The following STK32B variants were observed in gnomAD, a reference collection of about 807,000 sequenced individuals.
STK32B encodes serine/threonine-protein kinase 32B.
STK32B carries 43 observed loss-of-function variants against 52.6 expected under a neutral mutation model. That is an observed-to-expected ratio of 0.82 (90% CI 0.64 to 1.05). The LOEUF is 1.05. STK32B is among the 50% of genes least tolerant of loss of function. The pLI, the probability that STK32B is intolerant of heterozygous loss-of-function variation, is 0.00. For synonymous variants in STK32B, 238 were observed against 204.3 expected (o/e 1.17, Z -1.41); for missense variants, 621 against 534.6 (o/e 1.16, Z -1.59).
At chr4:5,406,427 G>T (rs892278946) in intron 5 of STK32B, among the ~76,000 whole-genome samples, 15 of 152,136 alleles carry the variant, frequency 9.9e-5, no homozygotes, top group Middle Eastern at 3.2e-3. Flanking sequence ...CAGTGCCCCA[G>T]TGGGGACTTT....
chr4:5,161,559 G>A (rs945305649), intron 2 of STK32B, among the ~76,000 whole-genome samples: 5 of 152,108 alleles, frequency 3.3e-5, no homozygotes, highest in Non-Finnish European at 7.3e-5. Context: ...ATTCTCTTTT[G>A]TACAGAACGC....
intron 8 of STK32B, among the ~76,000 whole-genome samples, chr4:5,459,277 G>C (rs1716830344): frequency 1.8e-5 from 2 of 108,264 alleles, no homozygotes; most frequent in South Asian, 5.6e-4. Context: ...TGTGGACCCT[G>C]GTGTGCCCCC....
intron 5 of STK32B, among the ~76,000 whole-genome samples, chr4:5,409,248 G>C (rs1191632151): frequency 1.3e-5 from 2 of 152,080 alleles, no homozygotes; most frequent in Non-Finnish European, 2.9e-5. Flanking sequence ...TCTGGCTCTT[G>C]TGATACAGGA....
At chr4:5,312,508 A>T (rs28692667) in intron 3 of STK32B, among the ~76,000 whole-genome samples, 1 of 150,596 alleles carries the variant, frequency 6.6e-6, no homozygotes, top group Non-Finnish European at 1.5e-5. Flanking sequence ...TCATTGTTCA[A>T]TTCCCACCTG....
At chr4:5,428,759 C>T (rs1206304538) in intron 6 of STK32B, among the ~76,000 whole-genome samples, 1 of 152,186 alleles carries the variant, frequency 6.6e-6, no homozygotes, top group African/African-American at 2.4e-5. Context: ...GAATTCCCAG[C>T]TATGATTGTA....
rs766590976 is a variant in STK32B, at chr4:5,267,878, GC to G, written c.261-63339del. 6.6e-5 allele frequency among the ~76,000 whole-genome samples: 10 copies of G among 152,318 alleles called. No homozygotes were observed. In the East Asian group the frequency reaches 7.7e-4, roughly 12 times the overall value. On this transcript the variant is annotated intron_variant, in intron 3 of 11. Coordinates refer to ENST00000282908, the MANE Select transcript of STK32B (RefSeq NM_018401.3). ...CTCAGCTCCACCATCTCTGGAGGCT[GC>G]CCAGAAGTTGACAGCTCTGCTGCCT... is the stretch of plus-strand genomic sequence containing the variant.
intron 4 of STK32B, among the ~76,000 whole-genome samples, chr4:5,393,666 C>T (rs1736713958): frequency 6.6e-6 from 1 of 152,146 alleles, no homozygotes; most frequent in African/African-American, 2.4e-5. Context: ...ATGACAATAG[C>T]ACCAAGAGGA....
Position 5,078,045 on chromosome 4 carries a change from G to A in STK32B, c.52+26130G>A, listed in dbSNP as rs566283802. On this transcript the variant is annotated intron_variant, in intron 1 of 11. Coordinates refer to ENST00000282908, the MANE Select transcript of STK32B (RefSeq NM_018401.3). ...TTTTTCACACATCTCTTCTCTCAACGTCTTAACATGGCTGCCACAGCTCCC... is the reference window on the plus strand; with the variant it reads ...TTTTTCACACATCTCTTCTCTCAACATCTTAACATGGCTGCCACAGCTCCC... Among the ~76,000 whole-genome samples, 13 of 152,186 alleles carry A rather than the reference G, an allele frequency of 8.5e-5. No homozygotes were observed. The South Asian group carries it at 1.2e-3, about 15-fold the overall frequency.
chr4:5,263,291 G>C (rs1726849376), intron 3 of STK32B, among the ~76,000 whole-genome samples: 1 of 152,160 alleles, frequency 6.6e-6, no homozygotes, highest in South Asian at 2.1e-4. Context: ...TAGCATCCGG[G>C]TGTGTCTGAG....
chr4:5,464,229 G>A (rs1408204414), intron 9 of STK32B, among the ~76,000 whole-genome samples: 1 of 152,184 alleles, frequency 6.6e-6, no homozygotes, highest in Non-Finnish European at 1.5e-5. Flanking sequence ...CTCCCACCAG[G>A]CCCCACCTCC....
intron 5 of STK32B, among the ~76,000 whole-genome samples, chr4:5,403,966 T>C (rs1737484541): frequency 6.6e-6 from 1 of 152,056 alleles, no homozygotes; most frequent in African/African-American, 2.4e-5. Flanking sequence ...TAATGCACTT[T>C]AAAGCTGTTC....
At chr4:5,031,415 A>C in the STK32B span, among the ~76,000 whole-genome samples, 3 of 152,086 alleles carry the variant, frequency 2.0e-5, no homozygotes, top group Non-Finnish European at 2.9e-5. Context: ...TGGGCAACAT[A>C]GTAAGACATC....
At chr4:5,424,579 A>G (rs919942376) in intron 6 of STK32B, among the ~76,000 whole-genome samples, 5 of 152,176 alleles carry the variant, frequency 3.3e-5, no homozygotes, top group African/African-American at 1.2e-4. Context: ...CCCAGCTGAG[A>G]GCTGAACAGA....
intron 4 of STK32B, among the ~76,000 whole-genome samples, chr4:5,362,511 G>A (rs530081916): frequency 2.0e-5 from 3 of 152,172 alleles, no homozygotes; most frequent in African/African-American, 4.8e-5. Context: ...CTTTGTACAA[G>A]AAATTAGTGA....
chr4:5,261,820 C>G (rs1315162152), intron 3 of STK32B, among the ~76,000 whole-genome samples: 1 of 151,958 alleles, frequency 6.6e-6, no homozygotes, highest in Non-Finnish European at 1.5e-5. Context: ...AAATCAAGGC[C>G]CCGGTACCAG....
At chr4:5,245,541 G>C (rs1433407476) in intron 3 of STK32B, among the ~76,000 whole-genome samples, 4 of 152,126 alleles carry the variant, frequency 2.6e-5, no homozygotes, top group East Asian at 1.9e-4. Flanking sequence ...GCCAGTCTGT[G>C]TCTTTTAATT....
chr4:5,426,487 T>A (rs1023614278), intron 6 of STK32B, among the ~76,000 whole-genome samples: 2 of 152,012 alleles, frequency 1.3e-5, no homozygotes, highest in African/African-American at 4.8e-5. Context: ...GGTAGGTCAC[T>A]TGAGACCAGG....
chr4:5,434,864 G>T (rs910141994), intron 6 of STK32B, among the ~76,000 whole-genome samples: 1 of 152,142 alleles, frequency 6.6e-6, no homozygotes, highest in Non-Finnish European at 1.5e-5. Context: ...CCCTAAGATC[G>T]CAACTATTGG....
At chr4:5,228,946 G>A (rs1269369303) in intron 3 of STK32B, among the ~76,000 whole-genome samples, 1 of 152,062 alleles carries the variant, frequency 6.6e-6, no homozygotes, top group South Asian at 2.1e-4. Flanking sequence ...CAGCTTGGGT[G>A]ACAAGTGCGA....
Sources: gnomAD v4.1 joint callset for allele counts (sites outside exome capture counted in the v4.1 genomes callset) on GRCh38, gnomAD v4.1.1 for gene constraint, MANE v1.5 for transcripts, NCBI Gene and HGNC (gene_info 2026-07-23, HGNC 2026-07-21) for gene names.